Variants in ZNF385B observed in about 807,000 individuals in gnomAD.
ZNF385B encodes the protein zinc finger protein 533.
ZNF385B carries 23 observed loss-of-function variants against 39.2 expected under a neutral mutation model. The ratio of observed to expected loss-of-function variants is 0.59; its 90% CI spans 0.42 to 0.83. ZNF385B has a LOEUF of 0.83. Ranked by LOEUF, ZNF385B falls within the 40% of genes least tolerant of loss-of-function variation. The probability of loss-of-function intolerance (pLI) is 0.00; values close to 1 mark genes in which losing one functional copy is unlikely to be tolerated. For missense variants in ZNF385B, 552 were observed against 598.9 expected (o/e 0.92, Z 0.82); for synonymous variants, 205 against 222.6 (o/e 0.92, Z 0.70).
intron 6 of ZNF385B, among the ~76,000 whole-genome samples, chr2:179,479,376 C>T (rs141575783): frequency 2.6e-5 from 4 of 152,236 alleles, no homozygotes; most frequent in African/African-American, 7.2e-5. Flanking sequence ...AATCTCTTTG[C>T]ATTGTACAGA....
intron 3 of ZNF385B, among the ~76,000 whole-genome samples, chr2:179,557,942 A>G (rs903464385): frequency 1.7e-4 from 26 of 152,014 alleles, no homozygotes; most frequent in Admixed American, 5.2e-4. Context: ...CCCTATGGGG[A>G]AAAAAAGAGA....
Position 179,626,773 on chromosome 2 carries a change from C to G in ZNF385B, c.299-81804G>C, listed in dbSNP as rs1690699423. ...AAAGCAAAAGAAAAAAAAGACCCAA[C>G]CCTCTTTCATGAACTGAGACGTTGT... On this transcript the variant is annotated intron_variant, in intron 3 of 9. Coordinates refer to ENST00000410066, the MANE Select transcript of ZNF385B (RefSeq NM_152520.6). 2.0e-5 allele frequency among the ~76,000 whole-genome samples: 3 copies of G among 152,086 alleles called. No individual in the cohort carries two copies. In the South Asian group the frequency reaches 6.2e-4, roughly 32 times the overall value.
At chr2:179,493,437 G>A (rs1315566071) in intron 5 of ZNF385B, among the ~76,000 whole-genome samples, 2 of 150,634 alleles carry the variant, frequency 1.3e-5, no homozygotes, top group South Asian at 2.1e-4. Flanking sequence ...ATATATGTAC[G>A]TATATGCATG....
At chr2:179,679,998 CT>C (rs1043990081) in intron 3 of ZNF385B, among the ~76,000 whole-genome samples, 4 of 152,176 alleles carry the variant, frequency 2.6e-5, no homozygotes, top group African/African-American at 7.2e-5. Context: ...TTCTTTCTCA[CT>C]TTCTTTCTTT....
At chr2:179,820,748 T>G (rs1230227972) in intron 1 of ZNF385B, among the ~76,000 whole-genome samples, 1 of 152,164 alleles carries the variant, frequency 6.6e-6, no homozygotes, top group African/African-American at 2.4e-5. Flanking sequence ...ATTTCCTCAC[T>G]TACTATAAGG....
chr2:179,640,167 A>C (rs111377860), intron 3 of ZNF385B, among the ~76,000 whole-genome samples: 27 of 152,304 alleles, frequency 1.8e-4, no homozygotes, highest in African/African-American at 6.5e-4. Context: ...TTAAATGTAG[A>C]GCGTAATCCT....
chr2:179,718,723 C>T (rs1459756695), intron 3 of ZNF385B, among the ~76,000 whole-genome samples: 4 of 150,466 alleles, frequency 2.7e-5, no homozygotes, highest in African/African-American at 7.3e-5. Context: ...CTATTTTCAG[C>T]CAAATGTGGT....
chr2:179,528,584 T>C (rs1428091808), intron 4 of ZNF385B, among the ~76,000 whole-genome samples: 1 of 152,252 alleles, frequency 6.6e-6, no homozygotes, highest in Non-Finnish European at 1.5e-5. Flanking sequence ...GTAAAAAAGC[T>C]AAAAGCAAAT....
intron 1 of ZNF385B, among the ~76,000 whole-genome samples, chr2:179,836,019 T>C (rs919826570): frequency 1.1e-4 from 17 of 152,178 alleles, no homozygotes; most frequent in African/African-American, 3.9e-4. Context: ...TATTTAGCCT[T>C]AAAAAATATA....
chr2:179,650,959 T>A (rs1224395192), intron 3 of ZNF385B, among the ~76,000 whole-genome samples: 1 of 152,136 alleles, frequency 6.6e-6, no homozygotes, highest in Non-Finnish European at 1.5e-5. Flanking sequence ...ATCATAATAG[T>A]TATCATTAGC....
chr2:179,490,615 T>C (rs1420162390), intron 5 of ZNF385B, among the ~76,000 whole-genome samples: 3 of 102,576 alleles, frequency 2.9e-5, no homozygotes, highest in East Asian at 2.8e-4. Context: ...AGCTGGAATA[T>C]AGTAAAAAAA....
chr2:179,516,025 T>C (rs80178275), intron 5 of ZNF385B, among the ~76,000 whole-genome samples: 1,937 of 152,306 alleles, frequency 0.013, 40 homozygotes, highest in African/African-American at 0.043. Context: ...AAATGGCATA[T>C]AGTCTTTGTG....
chr2:179,624,873 ATG>A (rs1301667449), intron 3 of ZNF385B, among the ~76,000 whole-genome samples: 1 of 152,156 alleles, frequency 6.6e-6, no homozygotes, highest in African/African-American at 2.4e-5. Context: ...TTGCTAGGGA[ATG>A]TAATCTTATA....
At chr2:179,453,913 G>T (rs1166578837) in intron 6 of ZNF385B, among the ~76,000 whole-genome samples, 1 of 152,128 alleles carries the variant, frequency 6.6e-6, no homozygotes, top group African/African-American at 2.4e-5. Context: ...TCACTCAGAG[G>T]ACAACCATAA....
chr2:179,445,563 A>C lies in ZNF385B; in HGVS notation c.1127T>G (p.Ile376Ser). ...AGGATACGTTACCTGTTTGAGTTGA[A>C]TTTCTGAATTAACATGAACATCACA... ...EICDVHVNSE[I>S]QLKQHISSRR... Residue 376 changes from isoleucine to serine, a missense_variant, in exon 8 of 10, where the codon ATT (isoleucine) becomes AGT (serine). By Grantham distance (142) the Ile-to-Ser change is moderately radical (BLOSUM62 -2). Transcript: ENST00000410066. 6.2e-7 allele frequency: 1 copy of C among 1,611,222 alleles called. No homozygotes were observed. Among genetic ancestry groups the C allele is most frequent in the Non-Finnish European group, 8.5e-7 (1 of 1,179,046 alleles).
At chr2:179,842,607 T>A (rs890902969) in intron 1 of ZNF385B, among the ~76,000 whole-genome samples, 1 of 152,076 alleles carries the variant, frequency 6.6e-6, no homozygotes, top group African/African-American at 2.4e-5. Flanking sequence ...AAGATTTTAT[T>A]TGAAAAATTC....
At chr2:179,735,685 T>A (rs1575384394) in intron 3 of ZNF385B, among the ~76,000 whole-genome samples, 2 of 149,298 alleles carry the variant, frequency 1.3e-5, no homozygotes, top group South Asian at 4.3e-4. Flanking sequence ...ATATACACAA[T>A]GGAATACTAT....
At chr2:179,814,506 A>G in intron 1 of ZNF385B, 1 of 680,022 alleles carries the variant, frequency 1.5e-6, no homozygotes, top group Non-Finnish European at 2.5e-6. Context: ...GTTTTTCTTC[A>G]GGAACAAGCA....
chr2:179,814,704 T>C (rs984117563), intron 1 of ZNF385B: 2 of 249,330 alleles, frequency 8.0e-6, no homozygotes, highest in African/African-American at 2.3e-5. Context: ...GGATAAATGT[T>C]GTGGAGGCCT....
Sources: gnomAD v4.1 joint callset for allele counts (sites outside exome capture counted in the v4.1 genomes callset) on GRCh38, gnomAD v4.1.1 for gene constraint, MANE v1.5 for transcripts, NCBI Gene and HGNC (gene_info 2026-07-23, HGNC 2026-07-21) for gene names.